Variants in ARHGAP32 observed in about 807,000 individuals in gnomAD.
ARHGAP32 encodes the protein Rho GTPase activating protein 32.
A neutral mutation model predicts 186.5 loss-of-function variants in ARHGAP32; 51 were observed. That is an observed-to-expected ratio of 0.27 (90% confidence interval 0.22 to 0.35). ARHGAP32 has a LOEUF of 0.35. Among genes scored for constraint, ARHGAP32 ranks in the 10% least tolerant of loss-of-function variants. The probability of loss-of-function intolerance (pLI) is 1.00; values close to 1 mark genes in which losing one functional copy is unlikely to be tolerated. For missense variants in ARHGAP32, 2,186 were observed against 2,623.5 expected, an observed-to-expected ratio of 0.83 and a Z score of 3.64; for synonymous variants, 950 against 964.3, an observed-to-expected ratio of 0.99 and a Z score of 0.27.
At chr11:129,066,338 A>AT in intron 7 of ARHGAP32, among the ~76,000 whole-genome samples, 1 of 149,440 alleles carries the variant, frequency 6.7e-6, no homozygotes, top group East Asian at 1.9e-4. Context: ...TTTACTATTT[A>AT]TTTTTTTGTA....
At chr11:129,019,891 C>T (rs1473862709) in intron 11 of ARHGAP32, among the ~76,000 whole-genome samples, 5 of 151,974 alleles carry the variant, frequency 3.3e-5, no homozygotes, top group Non-Finnish European at 1.5e-5. Flanking sequence ...AAGTACCAGA[C>T]CAAGAATGTG....
chr11:129,035,082 T>G (rs1939275607), intron 11 of ARHGAP32, among the ~76,000 whole-genome samples: 1 of 152,130 alleles, frequency 6.6e-6, no homozygotes, highest in Non-Finnish European at 1.5e-5. Context: ...TTTCCCCACC[T>G]AGACCTCATC....
chr11:129,038,856 C>T (rs1253005037), intron 11 of ARHGAP32, among the ~76,000 whole-genome samples: 4 of 131,812 alleles, frequency 3.0e-5, no homozygotes, highest in Non-Finnish European at 1.5e-5. Flanking sequence ...CACTGCACTG[C>T]AGCCTGTGGT....
intron 11 of ARHGAP32, among the ~76,000 whole-genome samples, chr11:129,000,569 A>C (rs1423390807): frequency 2.0e-5 from 3 of 152,236 alleles, no homozygotes; most frequent in Non-Finnish European, 4.4e-5. Context: ...TAATCACACC[A>C]GGGTAAATGG....
chr11:129,207,403 G>T (rs1488915701), intron 1 of ARHGAP32, among the ~76,000 whole-genome samples: 2 of 152,128 alleles, frequency 1.3e-5, no homozygotes, highest in African/African-American at 4.8e-5. Flanking sequence ...AGCATCTGTT[G>T]TTTCCTGACT....
At chr11:129,219,010 T>G (rs10790994) in intron 1 of ARHGAP32, among the ~76,000 whole-genome samples, 29,993 of 152,094 alleles carry the variant, frequency 0.2, 3,133 homozygotes, top group Non-Finnish European at 0.23. Context: ...CAGGGAGCAC[T>G]AAAGTCAGCA....
intron 6 of ARHGAP32, among the ~76,000 whole-genome samples, chr11:129,086,592 C>T (rs574064809): frequency 9.3e-4 from 142 of 152,100 alleles, no homozygotes; most frequent in Non-Finnish European, 1.5e-3. Context: ...GAGGCCAAGG[C>T]GGGCGGATCA....
At chr11:129,218,346 T>C (rs1029069896) in intron 1 of ARHGAP32, among the ~76,000 whole-genome samples, 1 of 152,140 alleles carries the variant, frequency 6.6e-6, no homozygotes, top group African/African-American at 2.4e-5. Flanking sequence ...CTGTCAGTCA[T>C]AGGAACTGTT....
chr11:129,069,366 A>G (rs931790154), intron 6 of ARHGAP32, among the ~76,000 whole-genome samples: 1 of 152,064 alleles, frequency 6.6e-6, no homozygotes, highest in African/African-American at 2.4e-5. Context: ...TGCTCAATAC[A>G]TGCTAGCTAT....
chr11:128,984,932 A>G (rs1347672947), intron 15 of ARHGAP32, among the ~76,000 whole-genome samples: 1 of 152,246 alleles, frequency 6.6e-6, no homozygotes, highest in Non-Finnish European at 1.5e-5. Flanking sequence ...GAAAGATTGT[A>G]TACAGATAGT....
rs115945277 is a variant in ARHGAP32 at position 129,234,045 on chromosome 11, T to C, written c.-5+45101A>G. Among the ~76,000 whole-genome samples the C allele has an allele frequency of 3.7e-3, 568 of 152,230 alleles. 2 individuals are homozygous for C. Among genetic ancestry groups the C allele is most frequent in the African/African-American group, 0.013 (543 of 41,568 alleles). Reference sequence around the variant, plus strand: ...AAGATGGTAAAGCAAAAGGAATTAATGGAGCAAGTATGTTGGTTCATGTTC... The same window carrying C: ...AAGATGGTAAAGCAAAAGGAATTAACGGAGCAAGTATGTTGGTTCATGTTC... On this transcript the variant is annotated intron_variant, in intron 1 of 6. Transcript: ENST00000525234.
chr11:129,062,693 T>A (rs183172161), intron 9 of ARHGAP32, among the ~76,000 whole-genome samples: 1 of 152,290 alleles, frequency 6.6e-6, no homozygotes, highest in East Asian at 1.9e-4. Context: ...CTGCTGTCAC[T>A]GAGAGTGATC....
At chr11:129,057,740 G>A (rs902477925) in intron 10 of ARHGAP32, among the ~76,000 whole-genome samples, 3 of 150,802 alleles carry the variant, frequency 2.0e-5, no homozygotes, top group African/African-American at 4.9e-5. Context: ...TAGTGGACTC[G>A]CAAAGGTCAA....
At chr11:129,132,831 A>G (rs537324827) in intron 2 of ARHGAP32, among the ~76,000 whole-genome samples, 10 of 152,368 alleles carry the variant, frequency 6.6e-5, no homozygotes, top group African/African-American at 1.9e-4. Flanking sequence ...ACACTGCATT[A>G]GATATTGGAA....
intron 3 of ARHGAP32, among the ~76,000 whole-genome samples, chr11:129,124,407 T>C (rs1294005293): frequency 6.6e-6 from 1 of 152,126 alleles, no homozygotes; most frequent in Admixed American, 6.6e-5. Context: ...TGTATTTCAC[T>C]TAACAGTCAA....
chr11:128,974,816 T>A lies in ARHGAP32; in HGVS notation c.2381A>T (p.Asp794Val), dbSNP rs1283741391. The change falls in exon 21 of 23, where the codon GAT becomes GTT. Residue 794 changes from aspartate to valine, a missense_variant. By Grantham distance (152) the Asp-to-Val change is radical (BLOSUM62 -3). Coordinates refer to ENST00000682385, the MANE Select transcript of ARHGAP32 (RefSeq NM_001378024.1). ...PALMSPHSAE[D>V]VDLSPPDIGV... is the part of the protein sequence containing the mutation. ...AATGTCTGGTGGGCTCAAGTCAACA[T>A]CCTCAGCTGAATGAGGAGACATAAG... 10 of 1,613,960 alleles carry A rather than the reference T, an allele frequency of 6.2e-6. No homozygotes were observed. The highest frequency in any genetic ancestry group is 6.8e-6 in the Non-Finnish European group (8 of 1,180,002).
At chr11:129,163,544 CTCT>C (rs1478640139) in intron 2 of ARHGAP32, among the ~76,000 whole-genome samples, 4 of 152,062 alleles carry the variant, frequency 2.6e-5, no homozygotes, top group Admixed American at 2.6e-4. Context: ...TCATCTCATA[CTCT>C]TATTACCCAT....
At chr11:128,981,765 C>A in intron 16 of ARHGAP32, 64 bp downstream of exon 16, 2 of 1,294,402 alleles carry the variant, frequency 1.5e-6, no homozygotes, top group South Asian at 1.3e-5. Flanking sequence ...TTAAAGAACA[C>A]TGATGAATCA....
chr11:129,010,789 G>T (rs993459528), intron 11 of ARHGAP32, among the ~76,000 whole-genome samples: 1 of 152,228 alleles, frequency 6.6e-6, no homozygotes, highest in East Asian at 1.9e-4. Context: ...GATAGTAAAA[G>T]CTTCTGATTT....
Sources: allele counts gnomAD v4.1 joint callset (sites outside exome capture counted in the v4.1 genomes callset), GRCh38; gene constraint gnomAD v4.1.1; transcripts MANE v1.5; gene names NCBI Gene and HGNC (gene_info 2026-07-23, HGNC 2026-07-21).